Variants in CAMTA1 observed in about 807,000 individuals in gnomAD.
CAMTA1 encodes calmodulin-binding transcription activator 1.
Under a neutral mutation model 170.9 loss-of-function variants are expected in CAMTA1, and 27 were observed. That is an observed-to-expected ratio of 0.16 (90% CI 0.12 to 0.22). The LOEUF (loss-of-function observed/expected upper bound fraction) is 0.22, where lower values mean the gene tolerates loss of function less well. CAMTA1 is among the 10% of genes least tolerant of loss of function. The probability of loss-of-function intolerance (pLI) is 1.00; values close to 1 mark genes in which losing one functional copy is unlikely to be tolerated. For missense variants in CAMTA1, 1,619 were observed against 2,217.2 expected (o/e 0.73, Z 5.42); for synonymous variants, 833 against 891.5 (o/e 0.93, Z 1.17).
chr1:7,016,306 AT>A (rs1161750387), intron 3 of CAMTA1, among the ~76,000 whole-genome samples: 1 of 152,046 alleles, frequency 6.6e-6, no homozygotes, highest in African/African-American at 2.4e-5. Flanking sequence ...CTCTTGGTGA[AT>A]TTTGCCTCAT....
intron 3 of CAMTA1, among the ~76,000 whole-genome samples, chr1:6,870,062 C>T (rs1167507737): frequency 6.6e-6 from 1 of 152,084 alleles, no homozygotes; most frequent in Admixed American, 6.5e-5. Flanking sequence ...TGATTTGAAC[C>T]GGTTTACTTT....
At chr1:7,512,110 A>C (rs1409954081) in intron 6 of CAMTA1, among the ~76,000 whole-genome samples, 1 of 152,172 alleles carries the variant, frequency 6.6e-6, no homozygotes, top group Admixed American at 6.5e-5. Flanking sequence ...AGCTCATGAA[A>C]GTGCTTTCAT....
At chr1:6,847,403 G>A (rs931485136) in intron 3 of CAMTA1, among the ~76,000 whole-genome samples, 4 of 152,230 alleles carry the variant, frequency 2.6e-5, no homozygotes, top group East Asian at 3.9e-4. Flanking sequence ...GCAAAGGAAC[G>A]GAAGAAGGAA....
At chr1:7,530,700 G>A (rs2094480987) in intron 6 of CAMTA1, among the ~76,000 whole-genome samples, 1 of 151,632 alleles carries the variant, frequency 6.6e-6, no homozygotes, top group Non-Finnish European at 1.5e-5. Context: ...CATCACATGT[G>A]CATTATTATT....
intron 3 of CAMTA1, among the ~76,000 whole-genome samples, chr1:6,882,454 GA>G (rs1255388316): frequency 6.6e-6 from 1 of 152,192 alleles, no homozygotes; most frequent in Non-Finnish European, 1.5e-5. Context: ...GGTTATGTTT[GA>G]AAGGAAGAGC....
At chr1:7,395,792 CTT>C (rs2089252700) in intron 5 of CAMTA1, among the ~76,000 whole-genome samples, 1 of 152,012 alleles carries the variant, frequency 6.6e-6, no homozygotes, top group South Asian at 2.1e-4. Context: ...TCTGTGACCT[CTT>C]TGCTTAAATT....
In CAMTA1 at chr1:6,785,577, T is replaced by A; in HGVS notation, c.45+2T>A. ...TGGCTGCCGAAAACAAGCCGGAAGG[T>A]AAGAGCCGGAGCGCGAGGGGCTGGG... On this transcript the variant is annotated splice_donor_variant, in intron 1 of 22. Transcript: ENST00000303635. LOFTEE classifies it high-confidence loss of function. The A allele has an allele frequency of 9.5e-7, 1 of 1,053,688 alleles. No homozygotes were observed. Among genetic ancestry groups the A allele is most frequent in the Non-Finnish European group, 1.2e-6 (1 of 860,760 alleles). The allele number at this position is 1,053,688 out of a possible 1,614,324, so 65.3% of individuals were successfully genotyped here. A position where few individuals can be genotyped will look rare whatever the true frequency, so the allele number is the denominator to read the frequency against.
At chr1:7,130,349 C>T (rs933201454) in intron 4 of CAMTA1, among the ~76,000 whole-genome samples, 23 of 152,122 alleles carry the variant, frequency 1.5e-4, no homozygotes, top group African/African-American at 5.3e-4. Flanking sequence ...TATAGATATG[C>T]CACATTTTTG....
At chr1:7,246,353 T>C (rs1665768354) in intron 4 of CAMTA1, among the ~76,000 whole-genome samples, 1 of 152,124 alleles carries the variant, frequency 6.6e-6, no homozygotes, top group African/African-American at 2.4e-5. Context: ...GTGTAGATGA[T>C]ACAGACACGC....
rs79413729 is a variant in CAMTA1, at chr1:7,426,011, G to A, written c.439-41819G>A. Among the ~76,000 whole-genome samples, 158 of 152,216 alleles carry A rather than the reference G, an allele frequency of 1.0e-3. 1 individual carries two copies. Among genetic ancestry groups the A allele is most frequent in the African/African-American group, 3.7e-3 (154 of 41,500 alleles). On this transcript the variant is annotated intron_variant, in intron 5 of 22. Transcript: ENST00000303635. The surrounding 1 kb of genome is among the most constrained non-coding windows in gnomAD (Gnocchi z 4.8). ...CTGAGAAAAGAGGCTGCAGTGACTG[G>A]CACTACACATGCTTGAGATCACAGG...
chr1:7,327,581 C>A (rs74052677), intron 5 of CAMTA1, among the ~76,000 whole-genome samples: 12,540 of 151,882 alleles, frequency 0.083, 1,731 homozygotes, highest in African/African-American at 0.29. Context: ...TGTTTCCCTG[C>A]AGGTTGGAAT....
At chr1:6,833,696 C>T (rs1270227291) in intron 3 of CAMTA1, among the ~76,000 whole-genome samples, 1 of 152,188 alleles carries the variant, frequency 6.6e-6, no homozygotes, top group Non-Finnish European at 1.5e-5. Flanking sequence ...TGGTTTTTCT[C>T]ATTAGCCCAA....
At chr1:7,348,943 C>T (rs565494291) in intron 5 of CAMTA1, among the ~76,000 whole-genome samples, 27 of 152,282 alleles carry the variant, frequency 1.8e-4, no homozygotes, top group South Asian at 6.2e-4. Context: ...GGGTCTTCTT[C>T]GGGCTCTCCT....
chr1:7,275,534 G>A (rs1431128777), intron 5 of CAMTA1, among the ~76,000 whole-genome samples: 1 of 151,948 alleles, frequency 6.6e-6, no homozygotes, highest in Non-Finnish European at 1.5e-5. Flanking sequence ...TTAAGAAACA[G>A]AGAAATATAC....
chr1:7,518,055 A>G (rs952469476), intron 6 of CAMTA1, among the ~76,000 whole-genome samples: 3 of 151,990 alleles, frequency 2.0e-5, no homozygotes, highest in Non-Finnish European at 1.5e-5. Flanking sequence ...GGACAAGAGG[A>G]CATATGAGTA....
In CAMTA1 at chr1:7,325,413, G is replaced by T. The variant is rs1207953754; in HGVS notation, c.438+75787G>T. 6.6e-6 allele frequency among the ~76,000 whole-genome samples: 1 copy of T among 152,196 alleles called. No individual in the cohort carries two copies. Among genetic ancestry groups the T allele is most frequent in the Non-Finnish European group, 1.5e-5 (1 of 68,036 alleles). ...TCTGCCTGGGAGGGGAAACACTGAG[G>T]TGGAGGGACAGCCAGTACAGAGTTT... is the stretch of plus-strand genomic sequence containing the variant. On this transcript the variant is annotated intron_variant, in intron 5 of 22. Transcript: ENST00000303635. The surrounding 1 kb of genome is among the most constrained non-coding windows in gnomAD (Gnocchi z 5.0).
intron 7 of CAMTA1, among the ~76,000 whole-genome samples, chr1:7,660,782 C>T (rs2149128541): frequency 6.6e-6 from 1 of 152,328 alleles, no homozygotes; most frequent in South Asian, 2.1e-4. Flanking sequence ...GACCCTGTGC[C>T]CGGCTCCTCC....
At position 7,090,614 on chromosome 1, in the gene CAMTA1, A is replaced by G. The variant is rs1484560684; in HGVS notation, c.235-690A>G. 2.4e-4 allele frequency among the ~76,000 whole-genome samples: 37 copies of G among 152,228 alleles called. 1 individual carries two copies. The highest frequency in any genetic ancestry group is 2.4e-3 in the Admixed American group (37 of 15,284). Reference sequence around the variant, plus strand: ...TTTTTATGGAAATTATTAATAAATCAGTAATTCTATCTGCAGTGATGTTGT... The same window carrying G: ...TTTTTATGGAAATTATTAATAAATCGGTAATTCTATCTGCAGTGATGTTGT... On this transcript the variant is annotated intron_variant, in intron 3 of 22. Transcript: ENST00000303635.
At chr1:7,612,111 A>T (rs2095528018) in intron 6 of CAMTA1, among the ~76,000 whole-genome samples, 1 of 152,220 alleles carries the variant, frequency 6.6e-6, no homozygotes, top group South Asian at 2.1e-4. Flanking sequence ...AGCTCAGTGG[A>T]GAGTCAGGAT....
Sources: gnomAD v4.1 joint callset for allele counts (sites outside exome capture counted in the v4.1 genomes callset) on GRCh38, gnomAD v4.1.1 for gene constraint, Gnocchi (gnomAD v3.1) non-coding constraint, MANE v1.5 for transcripts, NCBI Gene and HGNC (gene_info 2026-07-23, HGNC 2026-07-21) for gene names.